RGS7: variants seen among roughly 807,000 people sequenced by gnomAD.
RGS7 encodes regulator of G-protein signaling 7.
Under a neutral mutation model 81.1 loss-of-function variants are expected in RGS7, and 27 were observed. That is an observed-to-expected ratio of 0.33 (90% CI 0.25 to 0.46). The LOEUF (loss-of-function observed/expected upper bound fraction) is 0.46. Among genes scored for constraint, RGS7 ranks in the 20% least tolerant of loss-of-function variants. The probability of loss-of-function intolerance (pLI) is 1.00; values close to 1 mark genes in which losing one functional copy is unlikely to be tolerated. For synonymous variants in RGS7, 208 were observed against 207.7 expected, an observed-to-expected ratio of 1.00 and a Z score of -0.01; for missense variants, 396 against 607.4, an observed-to-expected ratio of 0.65 and a Z score of 3.66.
At chr1:241,199,145 C>A (rs1223619874) in intron 2 of RGS7, among the ~76,000 whole-genome samples, 1 of 151,934 alleles carries the variant, frequency 6.6e-6, no homozygotes, top group African/African-American at 2.4e-5. Context: ...ATAATAAAAG[C>A]CCTTAGCAAA....
At chr1:241,124,946 C>T (rs1423757233) in intron 2 of RGS7, among the ~76,000 whole-genome samples, 1 of 152,196 alleles carries the variant, frequency 6.6e-6, no homozygotes, top group South Asian at 2.1e-4. Context: ...AGTGTGAGGC[C>T]TCCCTTGGAG....
chr1:241,067,233 A>T (rs2148853702), intron 3 of RGS7, among the ~76,000 whole-genome samples: 1 of 152,258 alleles, frequency 6.6e-6, no homozygotes, highest in South Asian at 2.1e-4. Context: ...CCCCACTACA[A>T]TGGAAGCTTT....
chr1:241,252,172 T>C lies in RGS7; in HGVS notation c.78+103527A>G, dbSNP rs542592026. ...AATTCTCCTGCCTCAGCCTCCCAAG[T>C]AGCTGGGATTACAGGCGCCCACCAC... On this transcript the variant is annotated intron_variant, in intron 2 of 18. Coordinates refer to ENST00000440928, the MANE Select transcript of RGS7 (RefSeq NM_001364886.1). Among the ~76,000 whole-genome samples, 628 of 151,882 alleles carry C rather than the reference T, an allele frequency of 4.1e-3. 6 individuals carry two copies. The highest frequency in any genetic ancestry group is 0.015 in the African/African-American group (604 of 41,400).
intron 6 of RGS7, among the ~76,000 whole-genome samples, chr1:240,900,931 G>A (rs1443157771): frequency 6.6e-6 from 1 of 152,288 alleles, no homozygotes; most frequent in East Asian, 1.9e-4. Context: ...TTGAGCTGCG[G>A]TGGGCTCCAC....
At chr1:240,812,109 A>G (rs1328129935) in intron 13 of RGS7, 66 bp from the exon 14 acceptor site, 1 of 1,574,230 alleles carries the variant, frequency 6.4e-7, no homozygotes, top group Non-Finnish European at 8.7e-7. Flanking sequence ...TTGTTATTAC[A>G]TTCCCCTTCA....
intron 14 of RGS7, among the ~76,000 whole-genome samples, chr1:240,811,378 G>A (rs1392069850): frequency 6.6e-6 from 1 of 152,202 alleles, no homozygotes; most frequent in Admixed American, 6.5e-5. Flanking sequence ...TGGGCAGAAT[G>A]GGTGTCACTC....
intron 9 of RGS7, among the ~76,000 whole-genome samples, chr1:240,855,953 CT>C (rs548111367): frequency 6.6e-6 from 1 of 152,040 alleles, no homozygotes; most frequent in South Asian, 2.1e-4. Flanking sequence ...AGGTTAAACT[CT>C]TTTCCCAATT....
chr1:241,306,346 T>G (rs2080130983), intron 2 of RGS7, among the ~76,000 whole-genome samples: 1 of 149,600 alleles, frequency 6.7e-6, no homozygotes, highest in Non-Finnish European at 1.5e-5. Context: ...CATCCTCACA[T>G]GTACATATAC....
intron 2 of RGS7, among the ~76,000 whole-genome samples, chr1:241,126,827 C>CTA (rs2066697041): frequency 7.0e-6 from 1 of 142,182 alleles, no homozygotes; most frequent in African/African-American, 2.7e-5. Flanking sequence ...TTTTTTTGGT[C>CTA]TAGGTGACAG....
chr1:241,350,787 G>A (rs1407563189), intron 2 of RGS7, among the ~76,000 whole-genome samples: 3 of 147,604 alleles, frequency 2.0e-5, no homozygotes, highest in Admixed American at 6.8e-5. Context: ...TATTTTTCAC[G>A]ACGGGGATTT....
At chr1:241,317,829 T>C (rs2080974891) in intron 2 of RGS7, among the ~76,000 whole-genome samples, 1 of 152,270 alleles carries the variant, frequency 6.6e-6, no homozygotes, top group Non-Finnish European at 1.5e-5. Flanking sequence ...GTTCTAAATA[T>C]ATCTTACAGG....
At chr1:240,832,451 T>C (rs1694005257) in intron 9 of RGS7, among the ~76,000 whole-genome samples, 1 of 152,094 alleles carries the variant, frequency 6.6e-6, no homozygotes, top group Non-Finnish European at 1.5e-5. Context: ...CCTGAGGGAG[T>C]AAACGGAGCA....
intron 2 of RGS7, among the ~76,000 whole-genome samples, chr1:241,297,065 G>A (rs934505424): frequency 2.0e-5 from 3 of 151,952 alleles, no homozygotes; most frequent in African/African-American, 4.8e-5. Context: ...TCATGTCCCT[G>A]TTGGCCCCTA....
intron 2 of RGS7, among the ~76,000 whole-genome samples, chr1:241,138,214 A>C (rs1400398220): frequency 2.0e-5 from 3 of 152,078 alleles, no homozygotes; most frequent in Admixed American, 6.6e-5. Flanking sequence ...AGGGAATAAC[A>C]AACTAAACCA....
At chr1:241,336,022 CT>C (rs555745254) in intron 2 of RGS7, among the ~76,000 whole-genome samples, 53 of 151,664 alleles carry the variant, frequency 3.5e-4, no homozygotes, top group African/African-American at 2.4e-4. Context: ...CTTCTTTTTC[CT>C]TTTTTTTATA....
rs767699914 is a variant in RGS7, at chr1:241,181,305, G to C, written c.79-82543C>G. On this transcript the variant is annotated intron_variant, in intron 2 of 18. Coordinates refer to ENST00000440928, the MANE Select transcript of RGS7 (RefSeq NM_001364886.1). ...AATGGGGGAGATTATGTACATATAC[G>C]GATACGGGGTATAGGAGAAGTCTTT... 2.0e-5 allele frequency among the ~76,000 whole-genome samples: 3 copies of C among 152,210 alleles called. No homozygotes were observed. In the East Asian group the frequency reaches 5.8e-4, roughly 29 times the overall value.
chr1:241,194,572 A>G (rs1047158101), intron 2 of RGS7, among the ~76,000 whole-genome samples: 1 of 152,238 alleles, frequency 6.6e-6, no homozygotes, highest in Admixed American at 6.5e-5. Flanking sequence ...AATAATCTAA[A>G]AAAACTGCAA....
At chr1:241,147,648 A>G (rs1252186155) in intron 2 of RGS7, among the ~76,000 whole-genome samples, 13 of 151,632 alleles carry the variant, frequency 8.6e-5, no homozygotes, top group Admixed American at 8.5e-4. Flanking sequence ...ATCACATTTC[A>G]ACATATAATT....
intron 2 of RGS7, among the ~76,000 whole-genome samples, chr1:241,267,249 C>T (rs2077640919): frequency 6.6e-6 from 1 of 152,168 alleles, no homozygotes; most frequent in African/African-American, 2.4e-5. Context: ...TTTGTTCCTT[C>T]CTCACCTTGC....
Sources: gnomAD v4.1 joint callset for allele counts (sites outside exome capture counted in the v4.1 genomes callset) on GRCh38, gnomAD v4.1.1 for gene constraint, MANE v1.5 for transcripts, NCBI Gene and HGNC (gene_info 2026-07-23, HGNC 2026-07-21) for gene names.